DNAJC10: variants seen among roughly 807,000 people sequenced by gnomAD.
DNAJC10 encodes endoplasmic reticulum disulfide reductase DNAJC10.
In DNAJC10, 101 loss-of-function variants were observed where a neutral mutation model predicts 115.0. The observed-to-expected ratio is 0.88, with a 90% CI of 0.75 to 1.04. The LOEUF (loss-of-function observed/expected upper bound fraction) is 1.04, where lower values mean the gene tolerates loss of function less well. DNAJC10 is among the 50% of genes least tolerant of loss of function. The pLI, the probability that DNAJC10 is intolerant of heterozygous loss-of-function variation, is 0.00. For missense variants in DNAJC10, 981 were observed against 928.8 expected, an observed-to-expected ratio of 1.06 and a Z score of -0.73; for synonymous variants, 307 against 301.5, an observed-to-expected ratio of 1.02 and a Z score of -0.19.
At chr2:182,754,181 T>C (rs940326448) in intron 16 of DNAJC10, among the ~76,000 whole-genome samples, 1 of 152,244 alleles carries the variant, frequency 6.6e-6, no homozygotes, top group Non-Finnish European at 1.5e-5. Flanking sequence ...AGTTAAATTT[T>C]AGCTATAATT....
In DNAJC10 at chr2:182,728,656, A is replaced by G. The variant is rs562325827; in HGVS notation, c.499A>G (p.Thr167Ala). The part of the protein sequence containing the change: ...GCSHCHDLAP[T>A]WRDFAKEVDG... ...TTCACACTGCCATGATTTAGCTCCC[A>G]CAGTATGTATTTTTCACATCCTCAT... Residue 167 changes from threonine (T) to alanine (A), a missense_variant and splice_region_variant, in exon 6 of 24, where the codon ACA becomes GCA. By Grantham distance (58) the Thr-to-Ala change is moderately conservative. Coordinates refer to ENST00000264065, the MANE Select transcript of DNAJC10 (RefSeq NM_018981.4). The G allele has an allele frequency of 2.5e-6, 4 of 1,610,598 alleles. No individual in the cohort carries two copies. The highest frequency in any genetic ancestry group is 3.3e-5 in the Admixed American group (2 of 59,896).
chr2:182,789,585 G>A lies in DNAJC10; in HGVS notation c.*12453G>A, dbSNP rs1010965159. 3 of 152,126 alleles carry A rather than the reference G, an allele frequency of 2.0e-5. No homozygotes were observed. Among genetic ancestry groups the A allele is most frequent in the Admixed American group, 6.5e-5 (1 of 15,276 alleles). 9.4% of individuals were successfully genotyped at this position (152,126 alleles called of 1,614,324 possible). Reference sequence around the variant, plus strand: ...ATATACATTCTACATTTTGTTATTCGTCCGTTGATAGGCTGCCTTCACCCT... The same window carrying A: ...ATATACATTCTACATTTTGTTATTCATCCGTTGATAGGCTGCCTTCACCCT... On this transcript the variant is annotated 3_prime_UTR_variant, in exon 24 of 24. Coordinates refer to ENST00000264065, the MANE Select transcript of DNAJC10 (RefSeq NM_018981.4).
chr2:182,764,940 A>G (rs906413609), intron 22 of DNAJC10, among the ~76,000 whole-genome samples: 3 of 152,192 alleles, frequency 2.0e-5, no homozygotes, highest in Non-Finnish European at 4.4e-5. Context: ...ACATAAGATT[A>G]CCATGGGGAC....
chr2:182,784,341 A>C lies in DNAJC10; in HGVS notation c.*7209A>C, dbSNP rs75867858. On this transcript the variant is annotated 3_prime_UTR_variant, in exon 24 of 24. Coordinates refer to ENST00000264065, the MANE Select transcript of DNAJC10 (RefSeq NM_018981.4). Reference sequence around the variant, plus strand: ...CCTGTCTAAAAAAAAACAAAACAACAAAAAAAATCATTTTGTTGGTATTTT... The same window carrying C: ...CCTGTCTAAAAAAAAACAAAACAACCAAAAAAATCATTTTGTTGGTATTTT... The C allele has an allele frequency of 1.3e-5, 2 of 151,874 alleles. No individual in the cohort carries two copies. The highest frequency in any genetic ancestry group is 2.4e-5 in the African/African-American group (1 of 41,334). The allele number at this position is 151,874 out of a possible 1,614,324, so 9.4% of individuals were successfully genotyped here.
rs144910042 is a variant in DNAJC10, at chr2:182,740,348, A to G, written c.1037A>G (p.Asn346Ser). Reference sequence around the variant, plus strand: ...GAAATATATTTGGAAGTAATACATAATCTTCCAGATTTTGAACTACTTTCG... The same window carrying G: ...GAAATATATTTGGAAGTAATACATAGTCTTCCAGATTTTGAACTACTTTCG... ...AKEIYLEVIHNLPDFELLSAN... is the reference protein window; with the variant it reads ...AKEIYLEVIHSLPDFELLSAN... Residue 346 changes from asparagine (N) to serine (S), a missense_variant, in exon 12 of 24, where the codon AAT becomes AGT. Asn to Ser is a conservative substitution (Grantham distance 46). Transcript: ENST00000264065. The G allele has an allele frequency of 2.0e-4, 316 of 1,564,882 alleles. No homozygotes were observed. The African/African-American group carries it at 3.5e-3, about 17-fold the overall frequency.
At chr2:182,747,408 G>C (rs1054386142) in intron 14 of DNAJC10, among the ~76,000 whole-genome samples, 6 of 150,596 alleles carry the variant, frequency 4.0e-5, no homozygotes, top group Non-Finnish European at 5.9e-5. Flanking sequence ...TTATTTCCTT[G>C]AGCAGTGGTT....
At chr2:182,754,806 G>T in intron 16 of DNAJC10, 197 bp from the exon 17 acceptor site, 1 of 1,331,988 alleles carries the variant, frequency 7.5e-7, no homozygotes, top group Non-Finnish European at 9.7e-7. Flanking sequence ...TAAGGATCAG[G>T]TATTCATCAG....
chr2:182,730,993 G>A lies in DNAJC10; in HGVS notation c.728-37G>A, dbSNP rs766317828. The A allele has an allele frequency of 8.5e-6, 12 of 1,419,752 alleles. No individual in the cohort carries two copies. The Admixed American group carries it at 1.8e-4, about 21-fold the overall frequency. 87.9% of individuals were successfully genotyped at this position (1,419,752 alleles called of 1,614,324 possible). A position where few individuals can be genotyped will look rare whatever the true frequency, so the allele number is the denominator to read the frequency against. On this transcript the variant is annotated intron_variant, in intron 8 of 23. Coordinates refer to ENST00000264065, the MANE Select transcript of DNAJC10 (RefSeq NM_018981.4). ...TGTTTCCATTAGTAAAGGAGTAATA[G>A]GTGATCAGAATTTGCTTTTTTTCTT...
Position 182,752,172 on chromosome 2 carries a change from AGGG to A in DNAJC10, c.1536_1538del (p.Gly513del). 2.5e-6 allele frequency: 4 copies of A among 1,569,944 alleles called. No individual in the cohort carries two copies. The highest frequency in any genetic ancestry group is 3.5e-6 in the Non-Finnish European group (4 of 1,151,406). On this transcript the variant is annotated inframe_deletion, in exon 16 of 24. Coordinates refer to ENST00000264065, the MANE Select transcript of DNAJC10 (RefSeq NM_018981.4). ...GGTACACTAGATTGTACAGTTCATGAGGGACTCTGTAACATGGTAAGGCAAAGT... is the reference window on the plus strand; with the variant it reads ...GGTACACTAGATTGTACAGTTCATGAACTCTGTAACATGGTAAGGCAAAGT...
In DNAJC10 at chr2:182,785,231, CTGTG is replaced by C. The variant is rs1161743078; in HGVS notation, c.*8101_*8104del. On this transcript the variant is annotated 3_prime_UTR_variant, in exon 24 of 24. Transcript: ENST00000264065. ...GATTCCCATTCATGAAGAATGGTGC[CTGTG>C]TAACAGTATAAATGGATCACTTCTA... 3 of 151,964 alleles carry C rather than the reference CTGTG, an allele frequency of 2.0e-5. No individual in the cohort carries two copies. Among genetic ancestry groups the C allele is most frequent in the Admixed American group, 6.6e-5 (1 of 15,244 alleles). 9.4% of individuals were successfully genotyped at this position (151,964 alleles called of 1,614,324 possible).
At chr2:182,770,404 G>C (rs994921251) in intron 22 of DNAJC10, among the ~76,000 whole-genome samples, 1 of 152,068 alleles carries the variant, frequency 6.6e-6, no homozygotes, top group African/African-American at 2.4e-5. Context: ...ATTACTTTGG[G>C]CAGTATGGCC....
chr2:182,727,745 T>G (rs1254382119), intron 5 of DNAJC10, among the ~76,000 whole-genome samples: 1 of 152,104 alleles, frequency 6.6e-6, no homozygotes, highest in Non-Finnish European at 1.5e-5. Flanking sequence ...TTTAAAATAA[T>G]AAATTTTAAC....
Position 182,780,102 on chromosome 2 carries a change from C to T in DNAJC10, c.*2970C>T, listed in dbSNP as rs1481350912. The T allele has an allele frequency of 6.6e-6, 1 of 152,068 alleles. No individual in the cohort carries two copies. The highest frequency in any genetic ancestry group is 1.5e-5 in the Non-Finnish European group (1 of 68,010). The allele number at this position is 152,068 out of a possible 1,614,324, so 9.4% of individuals were successfully genotyped here. A position where few individuals can be genotyped will look rare whatever the true frequency, so the allele number is the denominator to read the frequency against. On this transcript the variant is annotated 3_prime_UTR_variant, in exon 24 of 24. Coordinates refer to ENST00000264065, the MANE Select transcript of DNAJC10 (RefSeq NM_018981.4). ...AGTAAATAACCTTTCTGATAATATT[C>T]TACTTTACACATATACTGAAAACTT...
chr2:182,765,285 A>G (rs750447614), intron 22 of DNAJC10, among the ~76,000 whole-genome samples: 5 of 152,312 alleles, frequency 3.3e-5, no homozygotes, highest in African/African-American at 9.6e-5. Flanking sequence ...AGTTTAATCC[A>G]TCCCAAATTT....
chr2:182,746,556 C>A (rs1693872204), intron 14 of DNAJC10, among the ~76,000 whole-genome samples: 1 of 152,112 alleles, frequency 6.6e-6, no homozygotes, highest in Middle Eastern at 3.4e-3. Context: ...CTGTTCATGT[C>A]CTTCGCCCAC....
Position 182,777,141 on chromosome 2 carries a change from A to G in DNAJC10, c.*9A>G. On this transcript the variant is annotated 3_prime_UTR_variant, in exon 24 of 24. Transcript: ENST00000264065. ...TATAGGATGAACTTTGATAATGTTG[A>G]AGATGAAGAAAAAGTTTAAAAGAAA... The G allele has an allele frequency of 7.1e-7, 1 of 1,400,376 alleles. No individual in the cohort carries two copies. The highest frequency in any genetic ancestry group is 9.6e-7 in the Non-Finnish European group (1 of 1,038,186). 86.7% of individuals were successfully genotyped at this position (1,400,376 alleles called of 1,614,324 possible).
At chr2:182,722,876 A>G (rs1204156560) in intron 5 of DNAJC10, among the ~76,000 whole-genome samples, 1 of 152,060 alleles carries the variant, frequency 6.6e-6, no homozygotes, top group East Asian at 1.9e-4. Flanking sequence ...GGAGGCTGAT[A>G]TTGCAGTGAG....
chr2:182,756,576 TAATAAC>T (rs1403384432), intron 18 of DNAJC10, 107 bp downstream of exon 18: 2 of 1,071,066 alleles, frequency 1.9e-6, no homozygotes, highest in Non-Finnish European at 2.7e-6. Context: ...AATTATTACT[TAATAAC>T]AGTACTGATC....
At position 182,772,642 on chromosome 2, in the gene DNAJC10, GTGTTTTGTTT is replaced by G. The variant is rs372492290; in HGVS notation, c.2266-2652_2266-2643del. Among the ~76,000 whole-genome samples the G allele has an allele frequency of 1.1e-3, 152 of 141,234 alleles. 1 individual carries two copies. The highest frequency in any genetic ancestry group is 1.8e-3 in the Non-Finnish European group (113 of 63,438). The allele number at this position is 141,234 out of a possible 152,430, so 92.7% of individuals were successfully genotyped here. A position where few individuals can be genotyped will look rare whatever the true frequency, so the allele number is the denominator to read the frequency against. ...TCAGAGACTAGGATTGCAACCCATG[GTGTTTTGTTT>G]TGTTTTGTTTTGTTTTGTTTTTTGG... On this transcript the variant is annotated intron_variant, in intron 22 of 23. Transcript: ENST00000264065.
Sources: allele counts gnomAD v4.1 joint callset (sites outside exome capture counted in the v4.1 genomes callset), GRCh38; gene constraint gnomAD v4.1.1; transcripts MANE v1.5; gene names NCBI Gene and HGNC (gene_info 2026-07-23, HGNC 2026-07-21).